Variants in INO80E observed in about 807,000 individuals in gnomAD.
The protein encoded by INO80E is coiled-coil domain containing 95.
In INO80E, 20 loss-of-function variants were observed where a neutral mutation model predicts 27.3. The observed-to-expected ratio is 0.73, with a 90% CI of 0.51 to 1.06. INO80E has a LOEUF of 1.06. Among genes scored for constraint, INO80E ranks in the 50% least tolerant of loss-of-function variants. The pLI, the probability that INO80E is intolerant of heterozygous loss-of-function variation, is 0.00. For missense variants in INO80E, 357 were observed against 322.8 expected, an observed-to-expected ratio of 1.11 and a Z score of -0.81; for synonymous variants, 167 against 145.9, an observed-to-expected ratio of 1.14 and a Z score of -1.04.
At chr16:30,001,568 G>T in intron 6 of INO80E, 38 bp downstream of exon 6, 7 of 1,583,372 alleles carry the variant, frequency 4.4e-6, no homozygotes, top group Non-Finnish European at 6.0e-6. Context: ...GGGCAGGACG[G>T]CAGGAGGACA....
At chr16:30,001,567 G>A (rs753494945) in intron 6 of INO80E, 37 bp downstream of exon 6, 11 of 1,586,036 alleles carry the variant, frequency 6.9e-6, no homozygotes, top group African/African-American at 4.0e-5. Context: ...GGGGCAGGAC[G>A]GCAGGAGGAC....
chr16:29,999,965 A>C lies in INO80E; in HGVS notation c.206-793A>C, dbSNP rs112176723. ...ATGAAGGGGAGGACTTCAGGGGTAG[A>C]TGAACAGGACCCTGGTTATGGGGAG... On this transcript the variant is annotated intron_variant, in intron 3 of 6. Transcript: ENST00000563197. Among the ~76,000 whole-genome samples the C allele has an allele frequency of 4.0e-3, 607 of 152,186 alleles. 2 individuals carry two copies. The highest frequency in any genetic ancestry group is 0.014 in the African/African-American group (594 of 41,504).
At chr16:29,996,442 G>C (rs1280979588) in intron 1 of INO80E, 51 bp downstream of exon 1, 1 of 1,556,528 alleles carries the variant, frequency 6.4e-7, no homozygotes, top group African/African-American at 1.4e-5. Flanking sequence ...GCGCGGACAA[G>C]ATCTCAGTTT....
At position 30,005,590 on chromosome 16, in the gene INO80E, CG is replaced by C. The variant is rs1361913753; in HGVS notation, c.*151del. 1.3e-6 allele frequency: 1 copy of C among 774,292 alleles called. No individual in the cohort carries two copies. The highest frequency in any genetic ancestry group is 2.1e-6 in the Non-Finnish European group (1 of 474,346). The allele number at this position is 774,292 out of a possible 1,614,324, so 48.0% of individuals were successfully genotyped here. A position where few individuals can be genotyped will look rare whatever the true frequency, so the allele number is the denominator to read the frequency against. The stretch of plus-strand genomic sequence containing the variant: ...CAACCAGAAAAGGCGTAAACATGCA[CG>C]GGTGTCCCCCAGGAGGGTGGCAGGG... On this transcript the variant is annotated 3_prime_UTR_variant, in exon 7 of 7. Transcript: ENST00000563197.
In INO80E at chr16:30,001,764, C is replaced by G; in HGVS notation, c.513+234C>G. On this transcript the variant is annotated intron_variant, in intron 6 of 6. Transcript: ENST00000563197. ...GTGTGCAGATGCCAGGGATCCCGCC[C>G]TTTCATGGCTGCAGTGTAGCGGGGC... The G allele has an allele frequency of 1.2e-5, 6 of 506,854 alleles. No individual in the cohort carries two copies. The South Asian group carries it at 1.7e-4, about 14-fold the overall frequency. The allele number at this position is 506,854 out of a possible 1,614,324, so 31.4% of individuals were successfully genotyped here. A position where few individuals can be genotyped will look rare whatever the true frequency, so the allele number is the denominator to read the frequency against.
At position 29,996,636 on chromosome 16, in the gene INO80E, G is replaced by C. The variant is rs755135463; in HGVS notation, c.152+19G>C. The C allele has an allele frequency of 6.3e-7, 1 of 1,581,596 alleles. No homozygotes were observed. The highest frequency in any genetic ancestry group is 8.6e-7 in the Non-Finnish European group (1 of 1,163,434). ...ACAAGAGGTGAGGCACGTTGCAGGGGCGGAGGGCGATGTGCTTCCTAGGAA... is the reference window on the plus strand; with the variant it reads ...ACAAGAGGTGAGGCACGTTGCAGGGCCGGAGGGCGATGTGCTTCCTAGGAA... On this transcript the variant is annotated intron_variant, in intron 2 of 6. Coordinates refer to ENST00000563197, the MANE Select transcript of INO80E (RefSeq NM_173618.3).
chr16:30,005,555 G>T lies in INO80E; in HGVS notation c.*113G>T. The stretch of plus-strand genomic sequence containing the variant: ...ATTGATGCCCAGCTGCCATGCTCCG[G>T]CCACTGACACAACCAGAAAAGGCGT... On this transcript the variant is annotated 3_prime_UTR_variant, in exon 7 of 7. Transcript: ENST00000563197. The T allele has an allele frequency of 1.9e-6, 2 of 1,030,028 alleles. No individual in the cohort carries two copies. The highest frequency in any genetic ancestry group is 2.9e-6 in the Non-Finnish European group (2 of 693,692). 63.8% of individuals were successfully genotyped at this position (1,030,028 alleles called of 1,614,324 possible). A position where few individuals can be genotyped will look rare whatever the true frequency, so the allele number is the denominator to read the frequency against.
intron 6 of INO80E, 34 bp downstream of exon 6, chr16:30,001,564 G>A (rs372290742): frequency 8.8e-6 from 14 of 1,590,186 alleles, no homozygotes; most frequent in Non-Finnish European, 1.2e-5. Context: ...GGAGGGGCAG[G>A]ACGGCAGGAG....
At chr16:30,001,821 T>C (rs1452470575) in intron 6 of INO80E, 1 of 412,618 alleles carries the variant, frequency 2.4e-6, no homozygotes, top group African/African-American at 2.0e-5. Context: ...GCGTGTTGTG[T>C]GATGCCAGGT....
chr16:29,999,137 T>C (rs2070251221), intron 3 of INO80E: 1 of 152,124 alleles, frequency 6.6e-6, no homozygotes, highest in South Asian at 2.1e-4. Context: ...GAACGCATGA[T>C]ACCCATTTGC....
intron 3 of INO80E, among the ~76,000 whole-genome samples, chr16:29,997,924 A>T (rs935624629): frequency 6.6e-6 from 1 of 151,408 alleles, no homozygotes; most frequent in Non-Finnish European, 1.5e-5. Context: ...CATCTCAATT[A>T]AAAAAAAATT....
chr16:30,001,191 G>GCCCC lies in INO80E; in HGVS notation c.396+153_396+156dup, dbSNP rs776262732. 2.9e-5 allele frequency: 43 copies of GCCCC among 1,475,296 alleles called. No individual in the cohort carries two copies. The East Asian group carries it at 9.7e-4, about 33-fold the overall frequency. 91.4% of individuals were successfully genotyped at this position (1,475,296 alleles called of 1,614,324 possible). Reference sequence around the variant, plus strand: ...CCCGTGGAGGGTGTGAGTCGGGGCTGCCCCCTTCTCTCTGGTATAGGAACG... The same window carrying GCCCC: ...CCCGTGGAGGGTGTGAGTCGGGGCTGCCCCCCCCCTTCTCTCTGGTATAGGAACG... On this transcript the variant is annotated intron_variant, in intron 5 of 6. Coordinates refer to ENST00000563197, the MANE Select transcript of INO80E (RefSeq NM_173618.3).
chr16:30,005,308 A>AGCCCCCCCCCCCC lies in INO80E; in HGVS notation c.601_602insGCCCCCCCCCCCC (p.Thr201SerfsTer11). 1 of 521,332 alleles carries AGCCCCCCCCCCCC rather than the reference A, an allele frequency of 1.9e-6. No individual in the cohort carries two copies. Among genetic ancestry groups the AGCCCCCCCCCCCC allele is most frequent in the Non-Finnish European group, 3.0e-6 (1 of 335,732 alleles). The allele number at this position is 521,332 out of a possible 1,614,324, so 32.3% of individuals were successfully genotyped here. ...TGGGGCTGGGGTCGGGACAACCCTGACCCCCCTCCCACCCCCTAAGATGCC... is the reference window on the plus strand; with the variant it reads ...TGGGGCTGGGGTCGGGACAACCCTGAGCCCCCCCCCCCCCCCCCCTCCCACCCCCTAAGATGCC... On this transcript the variant is annotated frameshift_variant, in exon 7 of 7. Coordinates refer to ENST00000563197, the MANE Select transcript of INO80E (RefSeq NM_173618.3). LOFTEE classifies it high-confidence loss of function.
At position 29,996,619 on chromosome 16, in the gene INO80E, T is replaced by G. The variant is rs748233433; in HGVS notation, c.152+2T>G. The G allele has an allele frequency of 1.3e-6, 2 of 1,580,586 alleles. No individual in the cohort carries two copies. Among genetic ancestry groups the G allele is most frequent in the African/African-American group, 1.3e-5 (1 of 74,204 alleles). On this transcript the variant is annotated splice_donor_variant, in intron 2 of 6. Coordinates refer to ENST00000563197, the MANE Select transcript of INO80E (RefSeq NM_173618.3). LOFTEE classifies it high-confidence loss of function. ...ACTGAAGGTGTCCCGGGACAAGAGG[T>G]GAGGCACGTTGCAGGGGCGGAGGGC...
chr16:30,000,925 C>T lies in INO80E; in HGVS notation c.285-4C>T, dbSNP rs2070325928. 1.2e-6 allele frequency: 2 copies of T among 1,602,098 alleles called. No individual in the cohort carries two copies. Among genetic ancestry groups the T allele is most frequent in the East Asian group, 2.2e-5 (1 of 44,636 alleles). On this transcript the variant is annotated splice_region_variant and splice_polypyrimidine_tract_variant and intron_variant, in intron 4 of 6. Coordinates refer to ENST00000563197, the MANE Select transcript of INO80E (RefSeq NM_173618.3). ...CATCTGACCTCGCCCTGTCCTTTCT[C>T]CAGGAAGAGAAGCCCTCCGCTGGGG...
chr16:29,998,363 T>C (rs924290255), intron 3 of INO80E, among the ~76,000 whole-genome samples: 2 of 151,012 alleles, frequency 1.3e-5, no homozygotes, highest in Non-Finnish European at 2.9e-5. Flanking sequence ...ATAATATAAA[T>C]GCAGCTACCC....
Position 30,005,692 on chromosome 16 carries a change from G to T in INO80E, c.*250G>T. On this transcript the variant is annotated 3_prime_UTR_variant, in exon 7 of 7. Transcript: ENST00000563197. The stretch of plus-strand genomic sequence containing the variant: ...TGGCCGGGAGCATCTGCCACCTGCT[G>T]GGGAGGCAGAGACCCTGCAATGGCC... The T allele has an allele frequency of 1.8e-6, 1 of 550,820 alleles. No homozygotes were observed. Among genetic ancestry groups the T allele is most frequent in the Non-Finnish European group, 3.2e-6 (1 of 315,798 alleles). The allele number at this position is 550,820 out of a possible 1,614,324, so 34.1% of individuals were successfully genotyped here.
Position 29,996,822 on chromosome 16 carries a change from G to T in INO80E, c.167G>T (p.Arg56Leu). The change falls in exon 3 of 7, where the codon CGA (arginine) becomes CTA (leucine). Residue 56 changes from arginine to leucine, a missense_variant. Coordinates refer to ENST00000563197, the MANE Select transcript of INO80E (RefSeq NM_173618.3). ...CCTCCCCTCAGTTTCCTCCTAGACC[G>T]ACTTCTGCAGTACGAGAACGTGGAT... Reference protein sequence around the residue: ...VSRDKSFLLDRLLQYENVDED... With the variant: ...VSRDKSFLLDLLLQYENVDED... 1 of 1,614,116 alleles carries T rather than the reference G, an allele frequency of 6.2e-7. No homozygotes were observed. The highest frequency in any genetic ancestry group is 8.5e-7 in the Non-Finnish European group (1 of 1,179,990).
At chr16:30,001,583 C>T (rs1391295034) in intron 6 of INO80E, 53 bp downstream of exon 6, 1 of 1,545,000 alleles carries the variant, frequency 6.5e-7, no homozygotes, top group Non-Finnish European at 8.8e-7. Flanking sequence ...AGGACAGTCA[C>T]CTGAGGGAGG....
Sources: gnomAD v4.1 joint callset for allele counts (sites outside exome capture counted in the v4.1 genomes callset) on GRCh38, gnomAD v4.1.1 for gene constraint, MANE v1.5 for transcripts, NCBI Gene and HGNC (gene_info 2026-07-23, HGNC 2026-07-21) for gene names.